Variants in OR11G2 observed in about 807,000 individuals in gnomAD.
The protein encoded by OR11G2 is olfactory receptor family 11 subfamily G member 2, also known as olfactory receptor 11G2.
In OR11G2, 2 loss-of-function variants were observed where a neutral mutation model predicts 0.9. That is an observed-to-expected ratio of 2.35 (90% CI 0.96 to 7.38). The LOEUF (loss-of-function observed/expected upper bound fraction) is 7.38. Ranked by LOEUF, OR11G2 falls within the 30% of genes most tolerant of loss-of-function variation. OR11G2 has a pLI of 0.05. For synonymous variants in OR11G2, 153 were observed against 142.0 expected, an observed-to-expected ratio of 1.08 and a Z score of -0.55; for missense variants, 395 against 371.3, an observed-to-expected ratio of 1.06 and a Z score of -0.52.
Position 20,199,543 on chromosome 14 carries a change from G to C in OR11G2, c.*1170G>C, listed in dbSNP as rs757190544. The C allele has an allele frequency of 1.3e-5, 2 of 152,152 alleles. No homozygotes were observed. Among genetic ancestry groups the C allele is most frequent in the African/African-American group, 2.4e-5 (1 of 41,412 alleles). The allele number at this position is 152,152 out of a possible 1,614,324, so 9.4% of individuals were successfully genotyped here. A position where few individuals can be genotyped will look rare whatever the true frequency, so the allele number is the denominator to read the frequency against. On this transcript the variant is annotated 3_prime_UTR_variant, in exon 2 of 2. Transcript: ENST00000641879. ...TCATCTTGGACTGTAGCCCATGAAGGCTTGCCTATGTCAGTTGCTCTGAGT... is the reference window on the plus strand; with the variant it reads ...TCATCTTGGACTGTAGCCCATGAAGCCTTGCCTATGTCAGTTGCTCTGAGT...
chr14:20,197,156 G>A (rs112339930), intron 1 of OR11G2, among the ~76,000 whole-genome samples: 5,534 of 152,272 alleles, frequency 0.036, 143 homozygotes, highest in Middle Eastern at 0.048. Flanking sequence ...TTTACACCTA[G>A]TAAAATGTAA....
In OR11G2 at chr14:20,197,293, C is replaced by T. The variant is rs368268717; in HGVS notation, c.-4-141C>T. ...AAAAAAGTGACTATTGACATATCTG[C>T]ATTCTGTTTTTTACTTTTTACTTTT... On this transcript the variant is annotated intron_variant, in intron 1 of 1. Transcript: ENST00000641879. The T allele has an allele frequency of 4.7e-6, 5 of 1,066,676 alleles. No homozygotes were observed. In the African/African-American group the frequency reaches 4.8e-5, roughly 10 times the overall value. 66.1% of individuals were successfully genotyped at this position (1,066,676 alleles called of 1,614,324 possible). A position where few individuals can be genotyped will look rare whatever the true frequency, so the allele number is the denominator to read the frequency against.
rs545704426 is a variant in OR11G2, at chr14:20,198,064, G to A, written c.627G>A (p.Leu209=). ...TTGTCTTTTCTGTCTTAAGTCCTCT[G>A]CCTGTCTTTATGCTCTTTCTCTTCA... ...IELVFSVLSP[L]PVFMLFLFIV... is the part of the protein sequence containing the mutation. Residue 209 remains leucine, a synonymous_variant, in exon 2 of 2, where the codon CTG becomes CTA. Coordinates refer to ENST00000641879, the MANE Select transcript of OR11G2 (RefSeq NM_001386033.1). 6.2e-6 allele frequency: 10 copies of A among 1,614,098 alleles called. No individual in the cohort carries two copies. The Admixed American group carries it at 1.7e-4, about 27-fold the overall frequency.
rs1196153731 is a variant in OR11G2 at position 20,200,541 on chromosome 14, C to T, written c.*2168C>T. ...GTGTCTGAGGATTGTGAAATGGGTT[C>T]TCTCACACTTAGCTGGTGGGCGTAT... is the stretch of plus-strand genomic sequence containing the variant. On this transcript the variant is annotated 3_prime_UTR_variant, in exon 2 of 2. Coordinates refer to ENST00000641879, the MANE Select transcript of OR11G2 (RefSeq NM_001386033.1). The T allele has an allele frequency of 1.3e-5, 2 of 152,268 alleles. No individual in the cohort carries two copies. The highest frequency in any genetic ancestry group is 2.9e-5 in the Non-Finnish European group (2 of 68,012). 9.4% of individuals were successfully genotyped at this position (152,268 alleles called of 1,614,324 possible).
At chr14:20,197,396 C>A in intron 1 of OR11G2, 38 bp from the exon 2 acceptor site, 4 of 1,609,494 alleles carry the variant, frequency 2.5e-6, no homozygotes, top group Non-Finnish European at 3.4e-6. Flanking sequence ...ATGTTTGCAC[C>A]GTCATTCAGT....
At chr14:20,192,413 T>A (rs1879671843) in intron 1 of OR11G2, among the ~76,000 whole-genome samples, 1 of 152,250 alleles carries the variant, frequency 6.6e-6, no homozygotes, top group Non-Finnish European at 1.5e-5. Context: ...GTTGCAATAC[T>A]GAAGCTAGAA....
Position 20,197,886 on chromosome 14 carries a change from T to C in OR11G2, c.449T>C (p.Val150Ala). The stretch of plus-strand genomic sequence containing the variant: ...AGACGTCTCTGTACCAATCTTGTGG[T>C]CAATTGCTGGGTACTTGGTTTCATC... ...MTRRLCTNLV[V>A]NCWVLGFIWF... The change falls in exon 2 of 2, where the codon GTC becomes GCC. Residue 150 changes from valine to alanine, a missense_variant. Val to Ala is a moderately conservative substitution (Grantham distance 64). Transcript: ENST00000641879. 6.2e-7 allele frequency: 1 copy of C among 1,614,148 alleles called. No homozygotes were observed. Among genetic ancestry groups the C allele is most frequent in the Non-Finnish European group, 8.5e-7 (1 of 1,180,006 alleles).
At chr14:20,193,355 C>A (rs2139109399) in intron 1 of OR11G2, among the ~76,000 whole-genome samples, 1 of 152,312 alleles carries the variant, frequency 6.6e-6, no homozygotes, top group Non-Finnish European at 1.5e-5. Flanking sequence ...CTCCTGAGCT[C>A]AAGTGATCCT....
intron 1 of OR11G2, among the ~76,000 whole-genome samples, chr14:20,195,602 A>G (rs1172382813): frequency 6.6e-6 from 1 of 152,204 alleles, no homozygotes; most frequent in Admixed American, 6.5e-5. Context: ...CCCATCACCA[A>G]CAAAACTGAA....
chr14:20,195,032 GA>G (rs1291893359), intron 1 of OR11G2, among the ~76,000 whole-genome samples: 1 of 152,096 alleles, frequency 6.6e-6, no homozygotes, highest in Non-Finnish European at 1.5e-5. Flanking sequence ...AAGCAGAAAA[GA>G]AAAAACTTAT....
chr14:20,193,112 G>C (rs1403072721), intron 1 of OR11G2, among the ~76,000 whole-genome samples: 1 of 152,040 alleles, frequency 6.6e-6, no homozygotes, highest in Non-Finnish European at 1.5e-5. Flanking sequence ...TTGTTGTTTT[G>C]GTTTTTGTTT....
intron 1 of OR11G2, among the ~76,000 whole-genome samples, chr14:20,196,059 G>C (rs1879745457): frequency 6.6e-6 from 1 of 152,198 alleles, no homozygotes; most frequent in African/African-American, 2.4e-5. Flanking sequence ...GGAAGATACA[G>C]ACTAAAGTTG....
At chr14:20,197,065 C>CAT (rs2139112115) in intron 1 of OR11G2, among the ~76,000 whole-genome samples, 1 of 152,230 alleles carries the variant, frequency 6.6e-6, no homozygotes, top group Non-Finnish European at 1.5e-5. Flanking sequence ...AGAATATATC[C>CAT]ATAAATACAT....
chr14:20,198,275 C>G lies in OR11G2; in HGVS notation c.838C>G (p.Leu280Val), dbSNP rs2139115853. The G allele has an allele frequency of 6.2e-7, 1 of 1,613,738 alleles. No homozygotes were observed. The highest frequency in any genetic ancestry group is 8.5e-7 in the Non-Finnish European group (1 of 1,179,622). The change falls in exon 2 of 2, where the codon CTG becomes GTG. Residue 280 changes from leucine to valine, a missense_variant. Physicochemically the swap from Leu to Val is conservative, Grantham distance 32. Coordinates refer to ENST00000641879, the MANE Select transcript of OR11G2 (RefSeq NM_001386033.1). ...NEAGKQKTVT[L>V]FYSVVTPLLN... is the part of the protein sequence containing the mutation. ...AGCTGGAAAGCAGAAGACTGTGACT[C>G]TGTTTTATTCTGTTGTTACCCCACT...
Position 20,197,626 on chromosome 14 carries a change from G to A in OR11G2, c.189G>A (p.Met63Ile), listed in dbSNP as rs1353223014. Residue 63 changes from methionine (M) to isoleucine (I), a missense_variant, in exon 2 of 2, where the codon ATG (methionine) becomes ATA (isoleucine). By Grantham distance (10) the Met-to-Ile change is conservative. Transcript: ENST00000641879. ...GGGATCAGAGACTCCACGCCCCCAT[G>A]TACATCCTGCTCGCCAACTTCTCCT... ...VHWDQRLHAP[M>I]YILLANFSFL... The A allele has an allele frequency of 6.2e-7, 1 of 1,614,122 alleles. No homozygotes were observed.
Position 20,198,099 on chromosome 14 carries a change from C to CAGA in OR11G2, c.662_663insAGA (p.Ser221_Tyr222insAsp). On this transcript the variant is annotated inframe_insertion, in exon 2 of 2. Transcript: ENST00000641879. ...ATGCTCTTTCTCTTCATTGTGGGGT[C>CAGA]CTATGCTCTGGTCGTGAGAGCTGTG... 1 of 1,614,038 alleles carries CAGA rather than the reference C, an allele frequency of 6.2e-7. No homozygotes were observed.
rs752294873 is a variant in OR11G2 at position 20,198,589 on chromosome 14, C to T, written c.*216C>T. 9.0e-4 allele frequency: 271 copies of T among 302,516 alleles called. 1 individual carries two copies. The Middle Eastern group carries it at 0.024, about 26-fold the overall frequency. 18.7% of individuals were successfully genotyped at this position (302,516 alleles called of 1,614,324 possible). On this transcript the variant is annotated 3_prime_UTR_variant, in exon 2 of 2. Transcript: ENST00000641879. ...TAAAAAATACAAAAAATTAGCCGGG[C>T]GTGGTGGCGGACGCCTGTAGTCCCA...
chr14:20,200,867 C>T lies in OR11G2; in HGVS notation c.*2494C>T, dbSNP rs1456871464. Reference sequence around the variant, plus strand: ...TGATATATAATATGTCCAAGACACACTGTTAAATGAAAAAAGCAAAGTGAA... The same window carrying T: ...TGATATATAATATGTCCAAGACACATTGTTAAATGAAAAAAGCAAAGTGAA... On this transcript the variant is annotated 3_prime_UTR_variant, in exon 2 of 2. Coordinates refer to ENST00000641879, the MANE Select transcript of OR11G2 (RefSeq NM_001386033.1). 1.3e-5 allele frequency: 2 copies of T among 152,160 alleles called. No individual in the cohort carries two copies. The highest frequency in any genetic ancestry group is 2.9e-5 in the Non-Finnish European group (2 of 68,046). The allele number at this position is 152,160 out of a possible 1,614,324, so 9.4% of individuals were successfully genotyped here. A position where few individuals can be genotyped will look rare whatever the true frequency, so the allele number is the denominator to read the frequency against.
intron 1 of OR11G2, among the ~76,000 whole-genome samples, chr14:20,191,889 GCA>G (rs1879658085): frequency 1.0e-5 from 1 of 96,082 alleles, no homozygotes; most frequent in Non-Finnish European, 1.9e-5. Flanking sequence ...TACCCAACTG[GCA>G]TTTTTTTTTT....
Sources: allele counts gnomAD v4.1 joint callset (sites outside exome capture counted in the v4.1 genomes callset), GRCh38; gene constraint gnomAD v4.1.1; transcripts MANE v1.5; gene names NCBI Gene and HGNC (gene_info 2026-07-23, HGNC 2026-07-21).